ACTR3C: variants seen among roughly 807,000 people sequenced by gnomAD.
The protein encoded by ACTR3C is actin related protein 3C, also known as actin-related protein 3C.
Under a neutral mutation model 26.3 loss-of-function variants are expected in ACTR3C, and 18 were observed. The observed-to-expected ratio is 0.68, with a 90% CI of 0.47 to 1.01. The LOEUF (loss-of-function observed/expected upper bound fraction) is 1.01. Ranked by LOEUF, ACTR3C falls within the 50% of genes least tolerant of loss-of-function variation. The pLI is 0.00. For missense variants in ACTR3C, 184 were observed against 250.7 expected (o/e 0.73, Z 1.80); for synonymous variants, 55 against 94.5 (o/e 0.58, Z 2.42).
chr7:150,190,827 T>C, the ACTR3C span, among the ~76,000 whole-genome samples: 3 of 152,146 alleles, frequency 2.0e-5, no homozygotes, highest in African/African-American at 7.2e-5. Context: ...TCAGGAAACT[T>C]ACAATCATGG....
At chr7:150,059,938 C>A in the ACTR3C span, among the ~76,000 whole-genome samples, 346 of 152,312 alleles carry the variant, frequency 2.3e-3, 1 homozygote, top group African/African-American at 8.2e-3. Context: ...GAAAAATGTT[C>A]CAGCCCCTAA....
At chr7:150,030,979 G>C in the ACTR3C span, among the ~76,000 whole-genome samples, 1 of 152,082 alleles carries the variant, frequency 6.6e-6, no homozygotes, top group Non-Finnish European at 1.5e-5. Context: ...ATCTGAGGCT[G>C]GGCACAGTGA....
chr7:149,943,646 G>A, the ACTR3C span, among the ~76,000 whole-genome samples: 8 of 152,152 alleles, frequency 5.3e-5, no homozygotes, highest in Admixed American at 5.2e-4. Flanking sequence ...AGGAAGCAGA[G>A]GTTGCAGTGA....
the ACTR3C span, among the ~76,000 whole-genome samples, chr7:149,949,595 G>A: frequency 6.8e-6 from 1 of 147,498 alleles, no homozygotes; most frequent in Non-Finnish European, 1.5e-5. Flanking sequence ...TGAGAACTGG[G>A]CAGGAAGGAA....
At chr7:150,179,206 G>T in the ACTR3C span, among the ~76,000 whole-genome samples, 11,994 of 129,158 alleles carry the variant, frequency 0.093, 1,338 homozygotes, top group African/African-American at 0.26. Context: ...GAACTTAGAA[G>T]TTCTCTTTCC....
chr7:150,317,886 G>A (rs537372901), intron 1 of ACTR3C, among the ~76,000 whole-genome samples: 8 of 151,916 alleles, frequency 5.3e-5, no homozygotes, highest in Non-Finnish European at 1.2e-4. Flanking sequence ...GTTGAATGGG[G>A]TTGGGTTTAT....
At chr7:150,216,716 G>C in the ACTR3C span, among the ~76,000 whole-genome samples, 5 of 152,004 alleles carry the variant, frequency 3.3e-5, no homozygotes, top group African/African-American at 9.7e-5. Flanking sequence ...GCCGGGCACG[G>C]TGGCTCACGC....
the ACTR3C span, among the ~76,000 whole-genome samples, chr7:150,133,764 G>T: frequency 6.6e-6 from 1 of 152,148 alleles, no homozygotes; most frequent in Admixed American, 6.5e-5. Context: ...GTGAGACAGG[G>T]TCTTGCCCTG....
At chr7:150,244,813 G>A (rs1349229029), downstream of ACTR3C, 1 of 153,214 alleles carries the variant, frequency 6.5e-6, no homozygotes, top group Non-Finnish European at 1.5e-5. Flanking sequence ...AGAAAGCGAA[G>A]GGAAGAGAAC....
chr7:149,921,923 T>G, the ACTR3C span, among the ~76,000 whole-genome samples: 4 of 152,162 alleles, frequency 2.6e-5, no homozygotes, highest in East Asian at 3.9e-4. Context: ...ACTGAAGTAC[T>G]CTTTCCAAAG....
the ACTR3C span, among the ~76,000 whole-genome samples, chr7:150,090,434 TATAAAGCTTTG>T: frequency 6.6e-6 from 1 of 152,228 alleles, no homozygotes; most frequent in East Asian, 1.9e-4. Flanking sequence ...CTGAAAGGTG[TATAAAGCTTTG>T]CCAGACCTTG....
the ACTR3C span, among the ~76,000 whole-genome samples, chr7:150,095,554 C>T: frequency 6.7e-6 from 1 of 150,240 alleles, no homozygotes; most frequent in Non-Finnish European, 1.5e-5. Flanking sequence ...AGTGTATATA[C>T]CCTTGGAGAA....
the ACTR3C span, among the ~76,000 whole-genome samples, chr7:150,112,489 T>G: frequency 1.5e-4 from 23 of 152,270 alleles, no homozygotes; most frequent in Admixed American, 5.2e-4. Flanking sequence ...TCCTGGCCAT[T>G]GCCATCCACA....
the ACTR3C span, among the ~76,000 whole-genome samples, chr7:150,015,485 C>T: frequency 6.6e-6 from 1 of 152,140 alleles, no homozygotes; most frequent in Non-Finnish European, 1.5e-5. Flanking sequence ...ACCTTATTTG[C>T]TAACGTCAAG....
At chr7:150,099,672 C>A in the ACTR3C span, among the ~76,000 whole-genome samples, 1 of 151,610 alleles carries the variant, frequency 6.6e-6, no homozygotes, top group East Asian at 1.9e-4. Context: ...AAGAAGGAAA[C>A]CCTTCATGAG....
the ACTR3C span, among the ~76,000 whole-genome samples, chr7:150,035,294 C>T: frequency 1.4e-4 from 7 of 49,984 alleles, 1 homozygote; most frequent in African/African-American, 3.5e-4. Flanking sequence ...GAGAGTGCCT[C>T]CCCCCCCTTG....
At chr7:150,097,244 A>G in the ACTR3C span, among the ~76,000 whole-genome samples, 1 of 151,724 alleles carries the variant, frequency 6.6e-6, no homozygotes, top group Non-Finnish European at 1.5e-5. Context: ...TTATCAAATG[A>G]CTATTGATTG....
chr7:149,942,562 C>T, the ACTR3C span, among the ~76,000 whole-genome samples: 1 of 151,278 alleles, frequency 6.6e-6, no homozygotes, highest in Non-Finnish European at 1.5e-5. Context: ...GTCCAGAGAT[C>T]CCTTAAGCTC....
At chr7:150,317,136 C>G (rs1241778910) in intron 1 of ACTR3C, among the ~76,000 whole-genome samples, 1 of 152,104 alleles carries the variant, frequency 6.6e-6, no homozygotes, top group Non-Finnish European at 1.5e-5. Context: ...ACTGCAACCT[C>G]TGCCTTCTGG....
Sources: gnomAD v4.1 joint callset for allele counts (sites outside exome capture counted in the v4.1 genomes callset) on GRCh38, gnomAD v4.1.1 for gene constraint, MANE v1.5 for transcripts, NCBI Gene and HGNC (gene_info 2026-07-23, HGNC 2026-07-21) for gene names.